BFSP1: variants seen among roughly 807,000 people sequenced by gnomAD.
BFSP1 encodes beaded filament structural protein 1.
BFSP1 carries 38 observed loss-of-function variants against 43.9 expected under a neutral mutation model. The observed-to-expected ratio is 0.87, with a 90% CI of 0.67 to 1.14. The LOEUF (loss-of-function observed/expected upper bound fraction) is 1.14, where lower values mean the gene tolerates loss of function less well. Ranked by LOEUF, BFSP1 falls within the 50% of genes most tolerant of loss-of-function variation. The pLI is 0.00. For synonymous variants in BFSP1, 352 were observed against 354.8 expected (o/e 0.99, Z 0.09); for missense variants, 850 against 875.1 (o/e 0.97, Z 0.36).
rs926983649 is a variant in BFSP1 at position 17,497,559 on chromosome 20, T to C, written c.957-536A>G. 8.7e-4 allele frequency among the ~76,000 whole-genome samples: 33 copies of C among 37,946 alleles called. 1 individual carries two copies. The highest frequency in any genetic ancestry group is 5.9e-3 in the South Asian group (5 of 848). 24.9% of individuals were successfully genotyped at this position (37,946 alleles called of 152,430 possible). A position where few individuals can be genotyped will look rare whatever the true frequency, so the allele number is the denominator to read the frequency against. Reference sequence around the variant, plus strand: ...GTATATATGTGTGTATATATGTATATGTGTGTGTATATGTATATATACGTA... The same window carrying C: ...GTATATATGTGTGTATATATGTATACGTGTGTGTATATGTATATATACGTA... On this transcript the variant is annotated intron_variant, in intron 6 of 7. Transcript: ENST00000377873.
In BFSP1 at chr20:17,494,795, C is replaced by T. The variant is rs749440045; in HGVS notation, c.1277G>A (p.Gly426Glu). 7.4e-6 allele frequency: 12 copies of T among 1,614,198 alleles called. No individual in the cohort carries two copies. Among genetic ancestry groups the T allele is most frequent in the Non-Finnish European group, 8.5e-6 (10 of 1,180,042 alleles). Residue 426 changes from glycine (G) to glutamate (E), a missense_variant, in exon 8 of 8, where the codon GGG (glycine) becomes GAG (glutamate). Gly to Glu is a moderately conservative substitution (Grantham distance 98). Coordinates refer to ENST00000377873, the MANE Select transcript of BFSP1 (RefSeq NM_001195.5). ...TCCATCTGGCACATCCTCTGGAGCC[C>T]CTTCTTGTGTCAGGGGACTTACTTC... ...SKEVSPLTQE[G>E]APEDVPDGGQ...
chr20:17,513,805 G>A (rs568690062), intron 3 of BFSP1, among the ~76,000 whole-genome samples: 1 of 152,238 alleles, frequency 6.6e-6, no homozygotes, highest in Non-Finnish European at 1.5e-5. Flanking sequence ...AGCAGTCAGC[G>A]AGGGCTATTA....
chr20:17,497,484 G>GTATA (rs1352928511), intron 6 of BFSP1, among the ~76,000 whole-genome samples: 1 of 108,680 alleles, frequency 9.2e-6, no homozygotes, highest in Non-Finnish European at 1.9e-5. Context: ...ATATATACGT[G>GTATA]TGTATATATA....
chr20:17,560,118 AG>A (rs2035053933), upstream of BFSP1, among the ~76,000 whole-genome samples: 1 of 151,950 alleles, frequency 6.6e-6, no homozygotes, highest in South Asian at 2.1e-4. Flanking sequence ...CCGAGAAGAC[AG>A]GAAAATTAGG....
chr20:17,566,752 T>G (rs969161312), intron 1 of BFSP1, among the ~76,000 whole-genome samples: 3 of 152,174 alleles, frequency 2.0e-5, no homozygotes, highest in Non-Finnish European at 4.4e-5. Flanking sequence ...CCTCCTGGGT[T>G]CAAGCAATTC....
At chr20:17,550,762 C>A (rs1459389269) in intron 1 of BFSP1, among the ~76,000 whole-genome samples, 1 of 152,180 alleles carries the variant, frequency 6.6e-6, no homozygotes, top group Admixed American at 6.5e-5. Context: ...CGTGAGCCAC[C>A]GTACCTGGCC....
In BFSP1 at chr20:17,503,841, G is replaced by A. The variant is rs563380366; in HGVS notation, c.736-4801C>T. Among the ~76,000 whole-genome samples, 31 of 152,330 alleles carry A rather than the reference G, an allele frequency of 2.0e-4. No individual in the cohort carries two copies. The South Asian group carries it at 5.6e-3, about 27-fold the overall frequency. On this transcript the variant is annotated intron_variant, in intron 5 of 7. Coordinates refer to ENST00000377873, the MANE Select transcript of BFSP1 (RefSeq NM_001195.5). ...TCTCTCTGAAGACATGGGAAAGTCA[G>A]TGTGAGCCATGCAGAGACCTCTCCT...
chr20:17,554,688 A>G (rs2034960883), intron 1 of BFSP1, among the ~76,000 whole-genome samples: 1 of 152,238 alleles, frequency 6.6e-6, no homozygotes, highest in African/African-American at 2.4e-5. Context: ...CAAAGTCAGG[A>G]ACAAGATAAG....
chr20:17,493,995 T>C lies in BFSP1; in HGVS notation c.*79A>G. 1 of 1,330,284 alleles carries C rather than the reference T, an allele frequency of 7.5e-7. No homozygotes were observed. The highest frequency in any genetic ancestry group is 1.0e-6 in the Non-Finnish European group (1 of 963,278). 82.4% of individuals were successfully genotyped at this position (1,330,284 alleles called of 1,614,324 possible). ...AATCCAAACAGGAACCCTCACCCTT[T>C]TATCATTTGCTCTAAAATATCAAAG... On this transcript the variant is annotated 3_prime_UTR_variant, in exon 8 of 8. Transcript: ENST00000377873.
intron 1 of BFSP1, among the ~76,000 whole-genome samples, chr20:17,566,833 T>C (rs2035125447): frequency 6.6e-6 from 1 of 152,182 alleles, no homozygotes; most frequent in Admixed American, 6.5e-5. Context: ...TTTGTATTTT[T>C]AGTAGAGACG....
At chr20:17,500,997 G>A (rs1257619933) in intron 5 of BFSP1, among the ~76,000 whole-genome samples, 1 of 152,164 alleles carries the variant, frequency 6.6e-6, no homozygotes, top group Non-Finnish European at 1.5e-5. Flanking sequence ...GACTCAGCAG[G>A]GATGGGGGGC....
At chr20:17,543,487 A>AAC (rs2034752499) in intron 1 of BFSP1, among the ~76,000 whole-genome samples, 1 of 152,264 alleles carries the variant, frequency 6.6e-6, no homozygotes, top group Non-Finnish European at 1.5e-5. Flanking sequence ...AAACAGCAGC[A>AAC]ACAGTGTTAG....
intron 2 of BFSP1, among the ~76,000 whole-genome samples, chr20:17,518,989 G>A (rs1292527376): frequency 2.0e-5 from 3 of 152,196 alleles, no homozygotes; most frequent in African/African-American, 4.8e-5. Flanking sequence ...CAGCCCCGGG[G>A]ATGGGACCAC....
At chr20:17,498,724 T>C in intron 6 of BFSP1, 96 bp downstream of exon 6, 3 of 1,373,598 alleles carry the variant, frequency 2.2e-6, no homozygotes, top group Non-Finnish European at 3.0e-6. Context: ...CCCTGACACA[T>C]GCCCACTGCC....
chr20:17,501,597 C>CAA (rs11476559), intron 5 of BFSP1, among the ~76,000 whole-genome samples: 762 of 70,222 alleles, frequency 0.011, 11 homozygotes, highest in African/African-American at 0.035. Context: ...GAGACTCTGT[C>CAA]AAAAAAAAAA....
At chr20:17,542,845 G>A (rs2034742521) in intron 1 of BFSP1, among the ~76,000 whole-genome samples, 1 of 152,174 alleles carries the variant, frequency 6.6e-6, no homozygotes, top group South Asian at 2.1e-4. Context: ...GTTGGCTCAA[G>A]ATGTTTCTGA....
At chr20:17,499,403 C>CTTTTT (rs34583097) in intron 5 of BFSP1, among the ~76,000 whole-genome samples, 27 of 82,058 alleles carry the variant, frequency 3.3e-4, no homozygotes, top group East Asian at 9.8e-4. Flanking sequence ...ACATGCTGGG[C>CTTTTT]TTTTTTTTTT....
intron 5 of BFSP1, among the ~76,000 whole-genome samples, chr20:17,501,917 G>A (rs1030398017): frequency 6.6e-6 from 1 of 152,222 alleles, no homozygotes; most frequent in Non-Finnish European, 1.5e-5. Context: ...AGGGACACAT[G>A]AACGGGTCTG....
At chr20:17,502,857 C>T (rs2033836461) in intron 5 of BFSP1, among the ~76,000 whole-genome samples, 2 of 152,078 alleles carry the variant, frequency 1.3e-5, no homozygotes, top group Admixed American at 6.6e-5. Flanking sequence ...TCAGACACTC[C>T]AGGAAACACT....
Sources: allele counts gnomAD v4.1 joint callset (sites outside exome capture counted in the v4.1 genomes callset), GRCh38; gene constraint gnomAD v4.1.1; transcripts MANE v1.5; gene names NCBI Gene and HGNC (gene_info 2026-07-23, HGNC 2026-07-21).